The following CCDC187 variants were observed in gnomAD, a reference collection of about 807,000 sequenced individuals.
CCDC187 encodes coiled-coil domain-containing protein 187.
Under a neutral mutation model 38.0 loss-of-function variants are expected in CCDC187, and 32 were observed. The ratio of observed to expected loss-of-function variants is 0.84; its 90% CI spans 0.64 to 1.13. CCDC187 has a LOEUF of 1.13. Ranked by LOEUF, CCDC187 falls within the 50% of genes most tolerant of loss-of-function variation. CCDC187 has a pLI of 0.00. For synonymous variants in CCDC187, 333 were observed against 347.9 expected (o/e 0.96, Z 0.48); for missense variants, 707 against 786.8 (o/e 0.90, Z 1.21).
intron 10 of CCDC187, among the ~76,000 whole-genome samples, chr9:136,279,230 T>C (rs955083538): frequency 6.6e-6 from 1 of 151,920 alleles, no homozygotes; most frequent in Non-Finnish European, 1.5e-5. Context: ...GAAGGTTCCA[T>C]TGGACAGCTC....
chr9:136,293,894 A>T (rs973045505), intron 4 of CCDC187, among the ~76,000 whole-genome samples: 2 of 151,558 alleles, frequency 1.3e-5, no homozygotes, highest in African/African-American at 4.9e-5. Flanking sequence ...GCTCACACAC[A>T]ACCACACACA....
At chr9:136,295,432 CTG>C (rs1170545146) in intron 4 of CCDC187, among the ~76,000 whole-genome samples, 1 of 152,216 alleles carries the variant, frequency 6.6e-6, no homozygotes, top group Non-Finnish European at 1.5e-5. Context: ...GATTTTTAAT[CTG>C]TGGAAATGGA....
In CCDC187 at chr9:136,297,848, A is replaced by G. The variant is rs1831573616; in HGVS notation, c.725-27T>C. 9 of 156,542 alleles carry G rather than the reference A, an allele frequency of 5.7e-5. No individual in the cohort carries two copies. In the South Asian group the frequency reaches 2.2e-3, roughly 39 times the overall value. 9.7% of individuals were successfully genotyped at this position (156,542 alleles called of 1,614,324 possible). On this transcript the variant is annotated intron_variant, in intron 3 of 25. Coordinates refer to ENST00000638797, the MANE Select transcript of CCDC187 (RefSeq NM_001378188.1). The stretch of plus-strand genomic sequence containing the variant: ...TTCAGTGAGGAAGAGAAAGGAAGGG[A>G]GGGAGGGAGGGTGAGCAGTAAAGTG...
At chr9:136,272,445 G>A (rs1490849908) in intron 14 of CCDC187, among the ~76,000 whole-genome samples, 1 of 152,132 alleles carries the variant, frequency 6.6e-6, no homozygotes, top group African/African-American at 2.4e-5. Flanking sequence ...GCTCACGCCT[G>A]TAATCCCAGC....
chr9:136,278,958 TG>T (rs1420831116), intron 10 of CCDC187, among the ~76,000 whole-genome samples: 1 of 152,262 alleles, frequency 6.6e-6, no homozygotes, highest in Non-Finnish European at 1.5e-5. Context: ...GTGGTGTACC[TG>T]TTTAAGTCTA....
intron 3 of CCDC187, among the ~76,000 whole-genome samples, chr9:136,299,524 A>G (rs1831622582): frequency 6.6e-6 from 1 of 152,172 alleles, no homozygotes. Flanking sequence ...TGGACTCGAG[A>G]GAGCCTCCTG....
rs932154416 is a variant in CCDC187 at position 136,267,456 on chromosome 9, A to G, written c.3575T>C (p.Leu1192Pro). 3 of 985,616 alleles carry G rather than the reference A, an allele frequency of 3.0e-6. No individual in the cohort carries two copies. The highest frequency in any genetic ancestry group is 3.6e-6 in the Non-Finnish European group (3 of 830,072). The allele number at this position is 985,616 out of a possible 1,614,324, so 61.1% of individuals were successfully genotyped here. ...EELRAQHQAA[L>P]LRLREMALQE... is the part of the protein sequence containing the mutation. ...GAGCGCCATCTCTCGCAGGCGCAGC[A>G]GCGCGGCCTGGTGCTGTGCTCGCAG... Residue 1192 changes from leucine to proline, a missense_variant, in exon 16 of 26, where the codon CTG becomes CCG. Physicochemically the swap from Leu to Pro is moderately conservative, Grantham distance 98. Transcript: ENST00000638797.
chr9:136,285,452 C>T, intron 9 of CCDC187, 61 bp downstream of exon 9: 1 of 35,660 alleles, frequency 2.8e-5, no homozygotes, highest in South Asian at 2.2e-4. Context: ...GGCAGGTGGG[C>T]AGGTGGGCAG....
In CCDC187 at chr9:136,271,862, C is replaced by T. The variant is rs376434850; in HGVS notation, c.3442+2796G>A. On this transcript the variant is annotated intron_variant, in intron 14 of 25. Coordinates refer to ENST00000638797, the MANE Select transcript of CCDC187 (RefSeq NM_001378188.1). Reference sequence around the variant, plus strand: ...GACCTCGTGATCCACCTGCCTGGGCCTCCCACAGTGCTGGGATTCCAGGTG... The same window carrying T: ...GACCTCGTGATCCACCTGCCTGGGCTTCCCACAGTGCTGGGATTCCAGGTG... 4.6e-5 allele frequency among the ~76,000 whole-genome samples: 7 copies of T among 152,252 alleles called. No individual in the cohort carries two copies. In the East Asian group the frequency reaches 1.2e-3, roughly 25 times the overall value.
chr9:136,295,196 G>C (rs914705546), intron 4 of CCDC187, among the ~76,000 whole-genome samples: 2 of 152,166 alleles, frequency 1.3e-5, no homozygotes, highest in African/African-American at 4.8e-5. Flanking sequence ...GGGGAGCCCC[G>C]GTGGGGTTTC....
chr9:136,287,044 A>G (rs1277414134), intron 7 of CCDC187, among the ~76,000 whole-genome samples: 2 of 152,262 alleles, frequency 1.3e-5, no homozygotes, highest in Non-Finnish European at 2.9e-5. Context: ...CTGAAGTCAG[A>G]GTCTCAAAGA....
At chr9:136,302,007 C>T (rs1242451515) in intron 2 of CCDC187, among the ~76,000 whole-genome samples, 1 of 151,862 alleles carries the variant, frequency 6.6e-6, no homozygotes, top group Non-Finnish European at 1.5e-5. Context: ...GTCAGGATTT[C>T]GAGGCCAGCC....
At chr9:136,298,761 A>G (rs1005723120) in intron 3 of CCDC187, among the ~76,000 whole-genome samples, 76 of 152,362 alleles carry the variant, frequency 5.0e-4, no homozygotes, top group African/African-American at 1.8e-3. Context: ...CCATAGAGAC[A>G]GGAAGTAGGA....
intron 19 of CCDC187, among the ~76,000 whole-genome samples, chr9:136,261,773 G>GC (rs1830681406): frequency 6.6e-6 from 1 of 152,222 alleles, no homozygotes; most frequent in African/African-American, 2.4e-5. Flanking sequence ...GGTCTGCGCT[G>GC]CCCCCCGCTT....
At position 136,254,998 on chromosome 9, in the gene CCDC187, C is replaced by T. The variant is rs75989486; in HGVS notation, c.4830G>A (p.Thr1610=). The T allele has an allele frequency of 0.01, 10,048 of 985,410 alleles. 795 individuals are homozygous for T. In the African/African-American group the frequency reaches 0.16, roughly 16 times the overall value. The allele number at this position is 985,410 out of a possible 1,614,324, so 61.0% of individuals were successfully genotyped here. ...CTGCTGGGGAGGTGTGGGATGACAC[C>T]GTGGCTTCTTCCGAAGGCCCCCAGC... ...GTCWGPSEEA[T]VSSHTSPAGS... The change falls in exon 26 of 26, where the codon ACG becomes ACA. Residue 1610 remains threonine (T), a synonymous_variant. Coordinates refer to ENST00000638797, the MANE Select transcript of CCDC187 (RefSeq NM_001378188.1).
intron 4 of CCDC187, among the ~76,000 whole-genome samples, chr9:136,295,124 G>A (rs963582049): frequency 3.7e-4 from 57 of 152,370 alleles, no homozygotes; most frequent in African/African-American, 1.3e-3. Flanking sequence ...GTCAAAGGCC[G>A]GAGTTGAGGC....
chr9:136,298,445 G>A (rs1831589837), intron 3 of CCDC187, among the ~76,000 whole-genome samples: 1 of 152,166 alleles, frequency 6.6e-6, no homozygotes, highest in African/African-American at 2.4e-5. Flanking sequence ...AGAGGGCCCG[G>A]CTCCAGAGGC....
intron 9 of CCDC187, among the ~76,000 whole-genome samples, chr9:136,284,502 C>T (rs1374229526): frequency 2.6e-5 from 4 of 152,096 alleles, no homozygotes; most frequent in Admixed American, 2.6e-4. Context: ...CAGGTCAGGC[C>T]GGGGTCCCTC....
intron 4 of CCDC187, among the ~76,000 whole-genome samples, chr9:136,297,100 C>T (rs1324531602): frequency 1.3e-5 from 2 of 152,056 alleles, no homozygotes; most frequent in African/African-American, 4.8e-5. Context: ...TGCATGTGCA[C>T]ACATGCCAGT....
Sources: gnomAD v4.1 joint callset for allele counts (sites outside exome capture counted in the v4.1 genomes callset) on GRCh38, gnomAD v4.1.1 for gene constraint, MANE v1.5 for transcripts, NCBI Gene and HGNC (gene_info 2026-07-23, HGNC 2026-07-21) for gene names.